PFKL: variants seen among roughly 807,000 people sequenced by gnomAD.
PFKL encodes the protein phosphofructokinase, liver type.
PFKL carries 74 observed loss-of-function variants against 92.1 expected under a neutral mutation model. The ratio of observed to expected loss-of-function variants is 0.80; its 90% confidence interval spans 0.67 to 0.97. The LOEUF (loss-of-function observed/expected upper bound fraction) is 0.97, where lower values mean the gene tolerates loss of function less well. Ranked by LOEUF, PFKL falls within the 50% of genes least tolerant of loss-of-function variation. PFKL has a pLI of 0.00. For missense variants in PFKL, 1,028 were observed against 1,116.6 expected (o/e 0.92, Z 1.13); for synonymous variants, 494 against 456.4 (o/e 1.08, Z -1.05).
intron 2 of PFKL, among the ~76,000 whole-genome samples, chr21:44,307,593 C>T (rs768040902): frequency 1.6e-4 from 24 of 152,262 alleles, no homozygotes; most frequent in Admixed American, 7.2e-4. Context: ...GACCACTCAC[C>T]GCCCTGGGTC....
At position 44,307,258 on chromosome 21, in the gene PFKL, A is replaced by G. The variant is rs552366720; in HGVS notation, c.159+504A>G. The G allele has an allele frequency of 1.7e-4, 166 of 985,000 alleles. 1 individual carries two copies. In the African/African-American group the frequency reaches 2.7e-3, roughly 16 times the overall value. 61.0% of individuals were successfully genotyped at this position (985,000 alleles called of 1,614,324 possible). A position where few individuals can be genotyped will look rare whatever the true frequency, so the allele number is the denominator to read the frequency against. ...GTGTCTATGTTCATTGTGTCCCCGCAGGAGCAGCGGATGCCCTACTGCCTC... is the reference window on the plus strand; with the variant it reads ...GTGTCTATGTTCATTGTGTCCCCGCGGGAGCAGCGGATGCCCTACTGCCTC... On this transcript the variant is annotated intron_variant, in intron 2 of 21. Coordinates refer to ENST00000349048, the MANE Select transcript of PFKL (RefSeq NM_002626.6).
rs779634270 is a variant in PFKL at position 44,323,931 on chromosome 21, T to C, written c.1650+13T>C. On this transcript the variant is annotated intron_variant, in intron 16 of 21. Coordinates refer to ENST00000349048, the MANE Select transcript of PFKL (RefSeq NM_002626.6). ...TGCCGCCATGGAGGTACGGGGCTCC[T>C]GGACACCGGCCTGCCATGCCCAGGC... 9.3e-6 allele frequency: 15 copies of C among 1,612,772 alleles called. No homozygotes were observed. The South Asian group carries it at 1.2e-4, about 13-fold the overall frequency.
At chr21:44,303,512 C>A (rs560066412) in intron 1 of PFKL, among the ~76,000 whole-genome samples, 2 of 150,340 alleles carry the variant, frequency 1.3e-5, no homozygotes, top group Non-Finnish European at 3.0e-5. Context: ...ACTTTTAATT[C>A]TCTGGGCCCT....
At chr21:44,309,114 G>A (rs2041040369) in intron 2 of PFKL, among the ~76,000 whole-genome samples, 1 of 150,916 alleles carries the variant, frequency 6.6e-6, no homozygotes, top group Non-Finnish European at 1.5e-5. Flanking sequence ...GAAGGGGGAG[G>A]TCAGGGAGAC....
At position 44,322,150 on chromosome 21, in the gene PFKL, G is replaced by T; in HGVS notation, c.1356G>T (p.Trp452Cys). The T allele has an allele frequency of 6.2e-7, 1 of 1,606,080 alleles. No homozygotes were observed. ...CCTGGCAGGTGCAAGAAGTAGGCTG[G>T]CACGACGTGGCCGGCTGGTTGGGGC... ...LAKGQVQEVGWHDVAGWLGRG... is the reference protein window; with the variant it reads ...LAKGQVQEVGCHDVAGWLGRG... Residue 452 changes from tryptophan to cysteine, a missense_variant, in exon 14 of 22, where the codon TGG becomes TGT. Trp to Cys is a radical substitution (Grantham distance 215). Transcript: ENST00000349048.
intron 10 of PFKL, among the ~76,000 whole-genome samples, chr21:44,319,144 G>A (rs969468590): frequency 1.3e-5 from 2 of 152,162 alleles, no homozygotes; most frequent in African/African-American, 4.8e-5. Context: ...GGCAGCTGGG[G>A]GCAGGGTAGG....
intron 9 of PFKL, 130 bp from the exon 10 acceptor site, chr21:44,318,340 C>T: frequency 1.1e-5 from 11 of 999,750 alleles, no homozygotes; most frequent in Non-Finnish European, 1.4e-5. Context: ...TCTCTGATGC[C>T]ACCTGTTCTG....
At chr21:44,307,381 A>T in intron 2 of PFKL, 1 of 873,604 alleles carries the variant, frequency 1.1e-6, no homozygotes, top group Non-Finnish European at 1.4e-6. Flanking sequence ...AGGCGCATTC[A>T]CACACTTGGG....
chr21:44,307,374 C>T lies in PFKL; in HGVS notation c.159+620C>T, dbSNP rs946579299. The T allele has an allele frequency of 1.8e-5, 16 of 896,096 alleles. 1 individual carries two copies. The highest frequency in any genetic ancestry group is 2.0e-5 in the Non-Finnish European group (15 of 748,500). 55.5% of individuals were successfully genotyped at this position (896,096 alleles called of 1,614,324 possible). ...GCGCTCACACATGTGCACACACAGG[C>T]GCATTCACACACTTGGGCCACACCA... On this transcript the variant is annotated intron_variant, in intron 2 of 21. Transcript: ENST00000349048.
Position 44,309,111 on chromosome 21 carries a change from GAGGTC to G in PFKL, c.160-1891_160-1887del, listed in dbSNP as rs201814823. On this transcript the variant is annotated intron_variant, in intron 2 of 21. Transcript: ENST00000349048. ...GCAGAGGGTCGAGAGGCAGAAGGGG[GAGGTC>G]AGGGAGACCTGCGGCTGCGTCAGTT... Among the ~76,000 whole-genome samples the G allele has an allele frequency of 4.5e-3, 681 of 152,316 alleles. 10 individuals are homozygous for G. The highest frequency in any genetic ancestry group is 0.016 in the African/African-American group (651 of 41,560).
rs1400805930 is a variant in PFKL at position 44,300,196 on chromosome 21, C to A, written c.85+6C>A. 6 of 1,095,972 alleles carry A rather than the reference C, an allele frequency of 5.5e-6. No homozygotes were observed. The African/African-American group carries it at 6.8e-5, about 12-fold the overall frequency. 67.9% of individuals were successfully genotyped at this position (1,095,972 alleles called of 1,614,324 possible). On this transcript the variant is annotated splice_donor_region_variant and intron_variant, in intron 1 of 21. Transcript: ENST00000349048. ...CAGCGGCGGCGACGCGCAAGGTGGG[C>A]GGGGGTCCCGGCCGCGTCGCGGCGC...
rs749506058 is a variant in PFKL, at chr21:44,310,995, C to G, written c.160-11C>G. The stretch of plus-strand genomic sequence containing the variant: ...TCCCCTATCTCATGCCTGCCCCACT[C>G]TTGATTTCAGGGCTATGAGGGCCTC... On this transcript the variant is annotated splice_polypyrimidine_tract_variant and intron_variant, in intron 2 of 21. Coordinates refer to ENST00000349048, the MANE Select transcript of PFKL (RefSeq NM_002626.6). 5 of 1,610,600 alleles carry G rather than the reference C, an allele frequency of 3.1e-6. No homozygotes were observed. Among genetic ancestry groups the G allele is most frequent in the African/African-American group, 1.3e-5 (1 of 74,936 alleles).
At chr21:44,311,464 A>G (rs1194162728) in intron 3 of PFKL, among the ~76,000 whole-genome samples, 5 of 152,162 alleles carry the variant, frequency 3.3e-5, no homozygotes, top group Admixed American at 1.3e-4. Context: ...ACAGATACAC[A>G]CGTAGACACA....
intron 4 of PFKL, among the ~76,000 whole-genome samples, chr21:44,312,497 C>T (rs2047077312): frequency 6.6e-6 from 1 of 152,166 alleles, no homozygotes; most frequent in Admixed American, 6.5e-5. Flanking sequence ...AGTGCTCAAG[C>T]CTGAGGGAGG....
In PFKL at chr21:44,326,776, C is replaced by G; in HGVS notation, c.2257C>G (p.Gln753Glu). 1 of 1,610,976 alleles carries G rather than the reference C, an allele frequency of 6.2e-7. No individual in the cohort carries two copies. The highest frequency in any genetic ancestry group is 8.5e-7 in the Non-Finnish European group (1 of 1,179,138). The change falls in exon 22 of 22, where the codon CAA becomes GAA. Residue 753 changes from glutamine (Q) to glutamate (E), a missense_variant. Transcript: ENST00000349048. ...SLRLMLKMLAQYRISMAAYVS... is the reference protein window; with the variant it reads ...SLRLMLKMLAEYRISMAAYVS... ...GCGGCTCATGCTGAAGATGCTGGCA[C>G]AATACCGCATCAGTATGGCCGCCTA... is the stretch of plus-strand genomic sequence containing the variant.
At chr21:44,306,113 C>CTTTCCTCAGTGCCCAGAGGTGCT (rs1555875512) in intron 1 of PFKL, among the ~76,000 whole-genome samples, 2 of 152,222 alleles carry the variant, frequency 1.3e-5, no homozygotes, top group Admixed American at 6.5e-5. Context: ...CACGCCGCAG[C>CTTTCCTCAGTGCCCAGAGGTGCT]CTGAATGTCT....
At position 44,300,173 on chromosome 21, in the gene PFKL, G is replaced by A. The variant is rs2040725454; in HGVS notation, c.68G>A (p.Ser23Asn). The A allele has an allele frequency of 1.7e-6, 2 of 1,159,974 alleles. No homozygotes were observed. Among genetic ancestry groups the A allele is most frequent in the Non-Finnish European group, 2.1e-6 (2 of 932,692 alleles). The allele number at this position is 1,159,974 out of a possible 1,614,324, so 71.9% of individuals were successfully genotyped here. A position where few individuals can be genotyped will look rare whatever the true frequency, so the allele number is the denominator to read the frequency against. Residue 23 changes from serine to asparagine, a missense_variant, in exon 1 of 22, where the codon AGC becomes AAC. Physicochemically the swap from Ser to Asn is conservative, Grantham distance 46. Transcript: ENST00000349048. The part of the protein sequence containing the change: ...GAGKAIGVLT[S>N]GGDAQGMNAA... ...GGCAAGGCCATCGGCGTCCTGACCA[G>A]CGGCGGCGACGCGCAAGGTGGGCGG...
intron 1 of PFKL, chr21:44,305,147 G>T (rs1452225388): frequency 4.1e-6 from 4 of 963,988 alleles, no homozygotes; most frequent in Non-Finnish European, 5.6e-6. Context: ...GCTCTGGAAG[G>T]TCCCTCACCC....
chr21:44,306,743 C>T lies in PFKL; in HGVS notation c.148C>T (p.Leu50Phe). The T allele has an allele frequency of 3.1e-6, 5 of 1,613,818 alleles. No individual in the cohort carries two copies. Among genetic ancestry groups the T allele is most frequent in the Non-Finnish European group, 4.2e-6 (5 of 1,179,892 alleles). Reference sequence around the variant, plus strand: ...CATTTATGTGGGTGCCAAAGTCTTCCTCATCTACGAGGTAAGGCCAAGGTG... The same window carrying T: ...CATTTATGTGGGTGCCAAAGTCTTCTTCATCTACGAGGTAAGGCCAAGGTG... ...MGIYVGAKVFLIYEGYEGLVE... is the reference protein window; with the variant it reads ...MGIYVGAKVFFIYEGYEGLVE... Residue 50 changes from leucine (L) to phenylalanine (F), a missense_variant, in exon 2 of 22, where the codon CTC becomes TTC. Transcript: ENST00000349048.
Sources: gnomAD v4.1 joint callset for allele counts (sites outside exome capture counted in the v4.1 genomes callset) on GRCh38, gnomAD v4.1.1 for gene constraint, MANE v1.5 for transcripts, NCBI Gene and HGNC (gene_info 2026-07-23, HGNC 2026-07-21) for gene names.